Variants in AGPAT4 observed in about 807,000 individuals in gnomAD.
The protein encoded by AGPAT4 is 1-acylglycerol-3-phosphate O-acyltransferase 4, also known as 1-acyl-sn-glycerol-3-phosphate acyltransferase delta.
AGPAT4 carries 15 observed loss-of-function variants against 48.0 expected under a neutral mutation model. The ratio of observed to expected loss-of-function variants is 0.31; its 90% CI spans 0.21 to 0.48. The LOEUF (loss-of-function observed/expected upper bound fraction) is 0.48. Ranked by LOEUF, AGPAT4 falls within the 20% of genes least tolerant of loss-of-function variation. AGPAT4 has a pLI of 0.99. For synonymous variants in AGPAT4, 178 were observed against 198.7 expected (o/e 0.90, Z 0.88); for missense variants, 314 against 482.5 (o/e 0.65, Z 3.27).
In AGPAT4 at chr6:161,139,098, C is replaced by T. The variant is rs1299277970; in HGVS notation, c.1042+324G>A. On this transcript the variant is annotated intron_variant, in intron 8 of 8. Coordinates refer to ENST00000320285, the MANE Select transcript of AGPAT4 (RefSeq NM_020133.3). This position sits in a 1 kb window ranked among gnomAD's most constrained non-coding sequence, Gnocchi z 9.1. ...AGAAGCAGGAAATGATGCCAATGAG[C>T]AGAGCTGTCTGCGGAGGACAGGGAG... Among the ~76,000 whole-genome samples, 4 of 152,208 alleles carry T rather than the reference C, an allele frequency of 2.6e-5. No homozygotes were observed. Among genetic ancestry groups the T allele is most frequent in the African/African-American group, 9.6e-5 (4 of 41,456 alleles).
In AGPAT4 at chr6:161,154,424, G is replaced by A. The variant is rs1051243956; in HGVS notation, c.349-114C>T. ...AGGGGACGTTCACACCAGACGCCTCGGGACAGTCCCAGAACACATGCTGTC... is the reference window on the plus strand; with the variant it reads ...AGGGGACGTTCACACCAGACGCCTCAGGACAGTCCCAGAACACATGCTGTC... On this transcript the variant is annotated intron_variant, in intron 3 of 8. Coordinates refer to ENST00000320285, the MANE Select transcript of AGPAT4 (RefSeq NM_020133.3). The surrounding 1 kb of genome is among the most constrained non-coding windows in gnomAD (Gnocchi z 7.8). 33 of 1,216,176 alleles carry A rather than the reference G, an allele frequency of 2.7e-5. No homozygotes were observed. In the East Asian group the frequency reaches 3.8e-4, roughly 14 times the overall value. 75.3% of individuals were successfully genotyped at this position (1,216,176 alleles called of 1,614,324 possible).
At chr6:161,190,502 C>T (rs1167444704) in intron 2 of AGPAT4, among the ~76,000 whole-genome samples, 1 of 151,612 alleles carries the variant, frequency 6.6e-6, no homozygotes, top group Non-Finnish European at 1.5e-5. Context: ...AGTTCTGATT[C>T]TCCCTCTGCC....
rs763730803 is a variant in AGPAT4 at position 161,154,189 on chromosome 6, G to A, written c.470C>T (p.Thr157Ile). The change falls in exon 4 of 9, where the codon ACC becomes ATC. Residue 157 changes from threonine to isoleucine, a missense_variant. Physicochemically the swap from Thr to Ile is moderately conservative, Grantham distance 89. Coordinates refer to ENST00000320285, the MANE Select transcript of AGPAT4 (RefSeq NM_020133.3). The surrounding 1 kb of genome is among the most constrained non-coding windows in gnomAD (Gnocchi z 7.8). ...GTAGTCCCGGAGGTGCTGCAAACTG[G>A]TGGCAACCGTCTTGCGATCCTGCTC... ...KWEQDRKTVA[T>I]SLQHLRDYPE... 2 of 1,614,102 alleles carry A rather than the reference G, an allele frequency of 1.2e-6. No individual in the cohort carries two copies. The highest frequency in any genetic ancestry group is 1.1e-5 in the South Asian group (1 of 91,062).
chr6:161,201,478 T>A lies in AGPAT4; in HGVS notation c.178+30558A>T, dbSNP rs1781238428. Among the ~76,000 whole-genome samples, 1 of 152,158 alleles carries A rather than the reference T, an allele frequency of 6.6e-6. No individual in the cohort carries two copies. Among genetic ancestry groups the A allele is most frequent in the Admixed American group, 6.5e-5 (1 of 15,278 alleles). Reference sequence around the variant, plus strand: ...AAATGGTTTTCTGTTCTTTAATTAGTTACTTCTGGTTTTCAAGGCTGTCAT... The same window carrying A: ...AAATGGTTTTCTGTTCTTTAATTAGATACTTCTGGTTTTCAAGGCTGTCAT... On this transcript the variant is annotated intron_variant, in intron 2 of 8. Transcript: ENST00000320285. This position sits in a 1 kb window ranked among gnomAD's most constrained non-coding sequence, Gnocchi z 6.0.
At chr6:161,170,651 C>T (rs1030422066) in intron 2 of AGPAT4, among the ~76,000 whole-genome samples, 5 of 152,218 alleles carry the variant, frequency 3.3e-5, no homozygotes, top group African/African-American at 1.2e-4. Context: ...TGTGTGGTTG[C>T]TTTCAATGCT....
At chr6:161,168,530 G>A (rs1159306161) in intron 2 of AGPAT4, among the ~76,000 whole-genome samples, 2 of 151,948 alleles carry the variant, frequency 1.3e-5, no homozygotes, top group African/African-American at 4.8e-5. Flanking sequence ...GAGCACGGGC[G>A]CCACGAGACA....
rs1228689058 is a variant in AGPAT4, at chr6:161,161,025, A to AGG, written c.348+5221_348+5222dup. 1 of 441,566 alleles carries AGG rather than the reference A, an allele frequency of 2.3e-6. No individual in the cohort carries two copies. The highest frequency in any genetic ancestry group is 4.5e-6 in the Non-Finnish European group (1 of 220,396). The allele number at this position is 441,566 out of a possible 1,614,324, so 27.4% of individuals were successfully genotyped here. On this transcript the variant is annotated intron_variant, in intron 3 of 8. Transcript: ENST00000320285. This position sits in a 1 kb window ranked among gnomAD's most constrained non-coding sequence, Gnocchi z 4.6. ...GAGGGCCCTAAGCACAGAGCACGAA[A>AGG]GGGGGACAGTTCATGGGATGATACC...
Position 161,243,143 on chromosome 6 carries a change from G to A in AGPAT4, c.-89-10841C>T, listed in dbSNP as rs955763554. Reference sequence around the variant, plus strand: ...AGGCAGAATGCATGTTGAAATTGTCGATTTCATCATCGTCATTGCTGCTAC... The same window carrying A: ...AGGCAGAATGCATGTTGAAATTGTCAATTTCATCATCGTCATTGCTGCTAC... On this transcript the variant is annotated intron_variant, in intron 1 of 8. Transcript: ENST00000320285. This position sits in a 1 kb window ranked among gnomAD's most constrained non-coding sequence, Gnocchi z 4.8. Among the ~76,000 whole-genome samples, 9 of 151,966 alleles carry A rather than the reference G, an allele frequency of 5.9e-5. No individual in the cohort carries two copies. Among genetic ancestry groups the A allele is most frequent in the Non-Finnish European group, 8.8e-5 (6 of 68,010 alleles).
In AGPAT4 at chr6:161,216,091, G is replaced by A. The variant is rs1781639675; in HGVS notation, c.178+15945C>T. Among the ~76,000 whole-genome samples, 3 of 152,218 alleles carry A rather than the reference G, an allele frequency of 2.0e-5. No individual in the cohort carries two copies. Among genetic ancestry groups the A allele is most frequent in the Middle Eastern group, 3.2e-3 (1 of 316 alleles). On this transcript the variant is annotated intron_variant, in intron 2 of 8. Coordinates refer to ENST00000320285, the MANE Select transcript of AGPAT4 (RefSeq NM_020133.3). The surrounding 1 kb of genome is among the most constrained non-coding windows in gnomAD (Gnocchi z 4.8). Reference sequence around the variant, plus strand: ...ACCTTTCAGCTAAAGCCAGATTTGTGAGGCTGCCAAGAGCACTTTTCCCTC... The same window carrying A: ...ACCTTTCAGCTAAAGCCAGATTTGTAAGGCTGCCAAGAGCACTTTTCCCTC...
intron 2 of AGPAT4, among the ~76,000 whole-genome samples, chr6:161,207,512 A>G (rs1781407757): frequency 6.6e-6 from 1 of 152,212 alleles, no homozygotes; most frequent in Non-Finnish European, 1.5e-5. Flanking sequence ...TATGCTTTCA[A>G]AAAATATTTA....
At position 161,144,151 on chromosome 6, in the gene AGPAT4, A is replaced by G. The variant is rs756052946; in HGVS notation, c.843+2373T>C. The G allele has an allele frequency of 1.9e-6, 1 of 533,358 alleles. No homozygotes were observed. The highest frequency in any genetic ancestry group is 1.4e-5 in the South Asian group (1 of 71,560). The allele number at this position is 533,358 out of a possible 1,614,324, so 33.0% of individuals were successfully genotyped here. A position where few individuals can be genotyped will look rare whatever the true frequency, so the allele number is the denominator to read the frequency against. On this transcript the variant is annotated intron_variant, in intron 7 of 8. Coordinates refer to ENST00000320285, the MANE Select transcript of AGPAT4 (RefSeq NM_020133.3). The surrounding 1 kb of genome is among the most constrained non-coding windows in gnomAD (Gnocchi z 6.6). ...TGTCTATTCACCACTCTGCTTGGAGAAACCATGCACCACTTCCACTTGCTG... is the reference window on the plus strand; with the variant it reads ...TGTCTATTCACCACTCTGCTTGGAGGAACCATGCACCACTTCCACTTGCTG...
chr6:161,245,432 T>C lies in AGPAT4; in HGVS notation c.-89-13130A>G, dbSNP rs913473602. ...ATGGGGCCACTTGTGCACGTGCCTT[T>C]AACCACAGTGCTTCTGATTCATGGA... is the stretch of plus-strand genomic sequence containing the variant. On this transcript the variant is annotated intron_variant, in intron 1 of 8. Coordinates refer to ENST00000320285, the MANE Select transcript of AGPAT4 (RefSeq NM_020133.3). The surrounding 1 kb of genome is among the most constrained non-coding windows in gnomAD (Gnocchi z 5.2). 9.2e-5 allele frequency among the ~76,000 whole-genome samples: 14 copies of C among 152,222 alleles called. No homozygotes were observed. Among genetic ancestry groups the C allele is most frequent in the African/African-American group, 3.1e-4 (13 of 41,462 alleles).
At chr6:161,181,541 G>C (rs940251312) in intron 2 of AGPAT4, among the ~76,000 whole-genome samples, 4 of 150,252 alleles carry the variant, frequency 2.7e-5, no homozygotes, top group African/African-American at 9.7e-5. Flanking sequence ...CCAACACTAA[G>C]TGAGCTTGGC....
Position 161,130,596 on chromosome 6 carries a change from G to T in AGPAT4, c.*5944C>A, listed in dbSNP as rs561886511. ...TCATTCCCTGACCTGAACCGGGTGT[G>T]TTCCACCCTTGCCCATGGTTAGATC... On this transcript the variant is annotated 3_prime_UTR_variant, in exon 9 of 9. Transcript: ENST00000320285. The T allele has an allele frequency of 5.1e-4, 123 of 240,300 alleles. No homozygotes were observed. Among genetic ancestry groups the T allele is most frequent in the African/African-American group, 2.5e-3 (113 of 45,294 alleles). The allele number at this position is 240,300 out of a possible 1,614,324, so 14.9% of individuals were successfully genotyped here.
At chr6:161,248,930 C>T (rs558498475) in intron 1 of AGPAT4, among the ~76,000 whole-genome samples, 25 of 152,258 alleles carry the variant, frequency 1.6e-4, no homozygotes, top group African/African-American at 6.0e-4. Context: ...TACAGGGCTA[C>T]AGTAACCAAA....
At chr6:161,265,773 G>A (rs1487045439) in intron 1 of AGPAT4, among the ~76,000 whole-genome samples, 2 of 152,122 alleles carry the variant, frequency 1.3e-5, no homozygotes, top group Non-Finnish European at 2.9e-5. Context: ...ACCGAGCCTG[G>A]CCCATTTCCT....
rs1298671434 is a variant in AGPAT4 at position 161,135,565 on chromosome 6, C to G, written c.*975G>C. 1.3e-5 allele frequency: 2 copies of G among 152,136 alleles called. No individual in the cohort carries two copies. The highest frequency in any genetic ancestry group is 3.9e-4 in the East Asian group (2 of 5,186). The allele number at this position is 152,136 out of a possible 1,614,324, so 9.4% of individuals were successfully genotyped here. Reference sequence around the variant, plus strand: ...ACCCTCATCAGAGCAGGACCTGGCTCCTTTAGGGCTGCAGACAAGCTCTAC... The same window carrying G: ...ACCCTCATCAGAGCAGGACCTGGCTGCTTTAGGGCTGCAGACAAGCTCTAC... On this transcript the variant is annotated 3_prime_UTR_variant, in exon 9 of 9. Coordinates refer to ENST00000320285, the MANE Select transcript of AGPAT4 (RefSeq NM_020133.3).
intron 2 of AGPAT4, among the ~76,000 whole-genome samples, chr6:161,224,085 G>A (rs561428602): frequency 2.6e-5 from 4 of 152,258 alleles, no homozygotes; most frequent in Admixed American, 1.3e-4. Flanking sequence ...TTTTAAGTGA[G>A]ATCTAAATTA....
rs1362114976 is a variant in AGPAT4 at position 161,226,302 on chromosome 6, CAA to C, written c.178+5732_178+5733del. 6.6e-6 allele frequency among the ~76,000 whole-genome samples: 1 copy of C among 152,106 alleles called. No individual in the cohort carries two copies. The highest frequency in any genetic ancestry group is 2.4e-5 in the African/African-American group (1 of 41,400). ...AAGGAGTCAAAACCTGTTTGGAACT[CAA>C]AGAGTGAAAACTCCTGCTTAGATTG... is the stretch of plus-strand genomic sequence containing the variant. On this transcript the variant is annotated intron_variant, in intron 2 of 8. Coordinates refer to ENST00000320285, the MANE Select transcript of AGPAT4 (RefSeq NM_020133.3). The surrounding 1 kb of genome is among the most constrained non-coding windows in gnomAD (Gnocchi z 6.3).
Sources: gnomAD v4.1 joint callset for allele counts (sites outside exome capture counted in the v4.1 genomes callset) on GRCh38, gnomAD v4.1.1 for gene constraint, Gnocchi (gnomAD v3.1) non-coding constraint, MANE v1.5 for transcripts, NCBI Gene and HGNC (gene_info 2026-07-23, HGNC 2026-07-21) for gene names.